The following PGAP1 variants were observed in gnomAD, a reference collection of about 807,000 sequenced individuals.
PGAP1 encodes post-GPI attachment to proteins inositol deacylase 1.
Under a neutral mutation model 127.0 loss-of-function variants are expected in PGAP1, and 76 were observed. The observed-to-expected ratio is 0.60, with a 90% CI of 0.50 to 0.72. PGAP1 has a LOEUF of 0.72. Among genes scored for constraint, PGAP1 ranks in the 30% least tolerant of loss-of-function variants. The pLI, the probability that PGAP1 is intolerant of heterozygous loss-of-function variation, is 0.00. For synonymous variants in PGAP1, 362 were observed against 366.5 expected (o/e 0.99, Z 0.14); for missense variants, 982 against 1,071.3 (o/e 0.92, Z 1.16).
At chr2:196,903,185 T>C (rs566502819) in intron 4 of PGAP1, among the ~76,000 whole-genome samples, 8 of 152,008 alleles carry the variant, frequency 5.3e-5, no homozygotes, top group Non-Finnish European at 1.0e-4. Context: ...ATACATTAAA[T>C]GTATACATTA....
intron 4 of PGAP1, among the ~76,000 whole-genome samples, chr2:196,905,571 A>T (rs923134187): frequency 2.6e-5 from 4 of 152,158 alleles, no homozygotes; most frequent in South Asian, 4.1e-4. Context: ...ATTTTCATCA[A>T]AATTAAGATA....
Position 196,870,995 on chromosome 2 carries a change from TATTGAAAAAA to T in PGAP1, c.1729-26_1729-17del, listed in dbSNP as rs1701392614. 6.3e-7 allele frequency: 1 copy of T among 1,585,478 alleles called. No homozygotes were observed. Among genetic ancestry groups the T allele is most frequent in the East Asian group, 2.2e-5 (1 of 44,546 alleles). On this transcript the variant is annotated splice_polypyrimidine_tract_variant and intron_variant, in intron 18 of 26. Coordinates refer to ENST00000354764, the MANE Select transcript of PGAP1 (RefSeq NM_024989.4). Reference sequence around the variant, plus strand: ...TAACTGTCACCTAGTTTAAAACAATTATTGAAAAAAAAGGTTATTTTCCTCTAAACTCCTT... The same window carrying T: ...TAACTGTCACCTAGTTTAAAACAATTAAGGTTATTTTCCTCTAAACTCCTT...
intron 4 of PGAP1, among the ~76,000 whole-genome samples, chr2:196,905,173 G>T (rs6434887): frequency 6.6e-6 from 1 of 152,050 alleles, no homozygotes; most frequent in African/African-American, 2.4e-5. Flanking sequence ...CATTCCTCAA[G>T]TAATTTTTAA....
At chr2:196,889,662 C>T (rs569071018) in intron 10 of PGAP1, among the ~76,000 whole-genome samples, 218 of 149,086 alleles carry the variant, frequency 1.5e-3, no homozygotes, top group African/African-American at 5.3e-3. Context: ...CGAGACCATC[C>T]TGGCTAACAC....
At chr2:196,867,551 C>T (rs1212504270) in intron 19 of PGAP1, among the ~76,000 whole-genome samples, 5 of 152,116 alleles carry the variant, frequency 3.3e-5, no homozygotes, top group Admixed American at 3.3e-4. Context: ...GTGCAGCAAA[C>T]CAACACAGCA....
At position 196,920,147 on chromosome 2, in the gene PGAP1, T is replaced by A; in HGVS notation, c.151A>T (p.Ile51Leu). 1 of 1,597,552 alleles carries A rather than the reference T, an allele frequency of 6.3e-7. No individual in the cohort carries two copies. The change falls in exon 2 of 27, where the codon ATA becomes TTA. Residue 51 changes from isoleucine (I) to leucine (L), a missense_variant. Transcript: ENST00000354764. Reference sequence around the variant, plus strand: ...TTTGCCAGTTTCTTTGGAAGTTCTATTTTCTACATTTAAAAAAAAGTAGTT... The same window carrying A: ...TTTGCCAGTTTCTTTGGAAGTTCTAATTTCTACATTTAAAAAAAAGTAGTT... The part of the protein sequence containing the change: ...YMFEYPEYQK[I>L]ELPKKLAKRY...
chr2:196,862,542 C>A (rs1039385868), intron 20 of PGAP1, among the ~76,000 whole-genome samples: 3 of 152,196 alleles, frequency 2.0e-5, no homozygotes, highest in African/African-American at 7.2e-5. Context: ...CACTCCCTCC[C>A]CTTCTGAAAA....
intron 20 of PGAP1, among the ~76,000 whole-genome samples, chr2:196,858,780 T>C (rs1700973101): frequency 6.6e-6 from 1 of 152,116 alleles, no homozygotes; most frequent in Admixed American, 6.5e-5. Flanking sequence ...AGTTGCTTTT[T>C]TGAAAAGTTA....
At chr2:196,861,798 C>T (rs1194999957) in intron 20 of PGAP1, among the ~76,000 whole-genome samples, 2 of 151,930 alleles carry the variant, frequency 1.3e-5, no homozygotes, top group Non-Finnish European at 2.9e-5. Flanking sequence ...TTATGCCTGT[C>T]TTTACTGCAA....
chr2:196,871,186 C>T (rs1701399550), intron 18 of PGAP1, among the ~76,000 whole-genome samples: 1 of 152,040 alleles, frequency 6.6e-6, no homozygotes, highest in African/African-American at 2.4e-5. Context: ...GTATACTTTC[C>T]CACATATCTA....
At chr2:196,847,820 A>T (rs1700603373) in intron 21 of PGAP1, 127 bp downstream of exon 21, 1 of 625,210 alleles carries the variant, frequency 1.6e-6, no homozygotes, top group Non-Finnish European at 2.6e-6. Flanking sequence ...AGAGAAAAAA[A>T]AAACCTCATT....
At chr2:196,866,623 G>C (rs938066128) in intron 19 of PGAP1, among the ~76,000 whole-genome samples, 1 of 152,110 alleles carries the variant, frequency 6.6e-6, no homozygotes, top group Non-Finnish European at 1.5e-5. Flanking sequence ...TGGCAAATGG[G>C]ATCTAATTAA....
chr2:196,885,500 A>G, intron 11 of PGAP1, 25 bp from the exon 12 acceptor site: 3 of 1,495,922 alleles, frequency 2.0e-6, no homozygotes, highest in Non-Finnish European at 2.8e-6. Flanking sequence ...TGAAAATATA[A>G]TTAAAGGACA....
intron 12 of PGAP1, among the ~76,000 whole-genome samples, chr2:196,884,840 T>C (rs1576152869): frequency 6.6e-6 from 1 of 152,210 alleles, no homozygotes; most frequent in East Asian, 1.9e-4. Flanking sequence ...TAGGATTATT[T>C]TGCTTTTTCA....
intron 20 of PGAP1, among the ~76,000 whole-genome samples, chr2:196,848,994 C>T (rs950680286): frequency 3.9e-5 from 6 of 152,118 alleles, no homozygotes; most frequent in Non-Finnish European, 8.8e-5. Flanking sequence ...AAATTATAGT[C>T]GTTCTAGTGG....
At chr2:196,926,297 GA>G (rs1183212677) in intron 1 of PGAP1, among the ~76,000 whole-genome samples, 172 bp downstream of exon 1, 3 of 151,786 alleles carry the variant, frequency 2.0e-5, no homozygotes, top group African/African-American at 7.3e-5. Context: ...AAGGGGAGGT[GA>G]GGGGGGCAGA....
chr2:196,840,646 TCCTTA>T lies in PGAP1; in HGVS notation c.*583_*587del, dbSNP rs1559325342. ...GCATTGGTTACCAAGAAAACATATC[TCCTTA>T]CCATTCAAAGCTCTATTTTCATAGA... On this transcript the variant is annotated 3_prime_UTR_variant, in exon 27 of 27. Coordinates refer to ENST00000354764, the MANE Select transcript of PGAP1 (RefSeq NM_024989.4). 1 of 152,080 alleles carries T rather than the reference TCCTTA, an allele frequency of 6.6e-6. No homozygotes were observed. Among genetic ancestry groups the T allele is most frequent in the East Asian group, 1.9e-4 (1 of 5,188 alleles). 9.4% of individuals were successfully genotyped at this position (152,080 alleles called of 1,614,324 possible). A position where few individuals can be genotyped will look rare whatever the true frequency, so the allele number is the denominator to read the frequency against.
chr2:196,871,034 AT>A, intron 18 of PGAP1, 55 bp from the exon 19 acceptor site: 1 of 1,275,252 alleles, frequency 7.8e-7, no homozygotes, highest in South Asian at 1.2e-5. Flanking sequence ...ACTCCTTTAC[AT>A]TTTATTAAAT....
At chr2:196,919,040 A>T (rs1277065528) in intron 2 of PGAP1, among the ~76,000 whole-genome samples, 1 of 152,118 alleles carries the variant, frequency 6.6e-6, no homozygotes, top group Admixed American at 6.6e-5. Context: ...TGCACAAAAC[A>T]CGTTCCTGCC....
Sources: allele counts gnomAD v4.1 joint callset (sites outside exome capture counted in the v4.1 genomes callset), GRCh38; gene constraint gnomAD v4.1.1; transcripts MANE v1.5; gene names NCBI Gene and HGNC (gene_info 2026-07-23, HGNC 2026-07-21).